HTR2C: variants seen among roughly 807,000 people sequenced by gnomAD.
HTR2C encodes the protein 5-hydroxytryptamine receptor 2C, also known as 5-hydroxytryptamine (serotonin) receptor 2C, G protein-coupled.
In HTR2C, 5 loss-of-function variants were observed where a neutral mutation model predicts 21.0. The observed-to-expected ratio is 0.24, with a 90% CI of 0.12 to 0.50. The LOEUF (loss-of-function observed/expected upper bound fraction) is 0.50. Ranked by LOEUF, HTR2C falls within the 20% of genes least tolerant of loss-of-function variation. HTR2C has a pLI of 0.98. For synonymous variants in HTR2C, 150 were observed against 145.3 expected, an observed-to-expected ratio of 1.03 and a Z score of -0.23; for missense variants, 271 against 371.2, an observed-to-expected ratio of 0.73 and a Z score of 2.22.
intron 4 of HTR2C, among the ~76,000 whole-genome samples, chrX:114,835,494 G>A (rs371528023): frequency 3.3e-4 from 36 of 108,604 alleles, no homozygotes; most frequent in African/African-American, 9.0e-4. Context: ...CCAGTTGATC[G>A]CATCGGCTCC....
At chrX:114,821,637 G>T (rs1187564178) in intron 4 of HTR2C, among the ~76,000 whole-genome samples, 5 of 111,083 alleles carry the variant, frequency 4.5e-5, no homozygotes, top group Non-Finnish European at 7.5e-5. Flanking sequence ...ACATTATTTA[G>T]ATGTATATTT....
chrX:114,830,087 TA>T (rs1325741250), intron 4 of HTR2C, among the ~76,000 whole-genome samples: 1 of 112,001 alleles, frequency 8.9e-6, no homozygotes, highest in Non-Finnish European at 1.9e-5. Flanking sequence ...TTAACAATAT[TA>T]AATGTTCCAA....
intron 2 of HTR2C, among the ~76,000 whole-genome samples, chrX:114,646,317 G>C (rs1286808563): frequency 9.0e-6 from 1 of 111,548 alleles, no homozygotes; most frequent in African/African-American, 3.3e-5. Flanking sequence ...AGGCTAAATT[G>C]TCTTTAATTT....
chrX:114,879,779 A>G (rs1300608175), intron 5 of HTR2C, among the ~76,000 whole-genome samples: 2 of 111,068 alleles, frequency 1.8e-5, no homozygotes, highest in East Asian at 5.6e-4. Context: ...GTTCCTTTTT[A>G]TGGCTGAGTA....
chrX:114,660,667 C>T (rs1355637034), intron 2 of HTR2C, among the ~76,000 whole-genome samples: 1 of 112,068 alleles, frequency 8.9e-6, no homozygotes, highest in Non-Finnish European at 1.9e-5. Context: ...TTAAACTTAA[C>T]CTTTAATATT....
At chrX:114,685,977 A>G (rs1556414157) in intron 2 of HTR2C, among the ~76,000 whole-genome samples, 1 of 111,391 alleles carries the variant, frequency 9.0e-6, no homozygotes, top group East Asian at 2.8e-4. Context: ...TCTTATGATC[A>G]TAATTACAAC....
intron 4 of HTR2C, among the ~76,000 whole-genome samples, chrX:114,783,542 G>C (rs782484724): frequency 1.8e-5 from 2 of 110,682 alleles, no homozygotes; most frequent in Non-Finnish European, 3.8e-5. Context: ...AGAACAAGCT[G>C]GAAAAAAAAT....
chrX:114,683,049 C>T (rs191549111), intron 2 of HTR2C, among the ~76,000 whole-genome samples: 18 of 111,757 alleles, frequency 1.6e-4, no homozygotes, highest in African/African-American at 5.8e-4. Context: ...TAACTATGAT[C>T]GTAATATGAT....
intron 2 of HTR2C, among the ~76,000 whole-genome samples, chrX:114,711,347 A>G (rs1932889006): frequency 8.9e-6 from 1 of 112,009 alleles, no homozygotes; most frequent in Non-Finnish European, 1.9e-5. Context: ...AACCTTAAAG[A>G]TTGAGATAGT....
At chrX:114,846,981 A>G (rs1304425119) in intron 4 of HTR2C, among the ~76,000 whole-genome samples, 1 of 112,158 alleles carries the variant, frequency 8.9e-6, no homozygotes, top group African/African-American at 3.2e-5. Flanking sequence ...ATACACAGTG[A>G]TGAACAATCC....
intron 4 of HTR2C, among the ~76,000 whole-genome samples, chrX:114,746,017 C>A (rs2069700127): frequency 8.9e-6 from 1 of 111,978 alleles, no homozygotes; most frequent in Non-Finnish European, 1.9e-5. Flanking sequence ...ATATCCCATT[C>A]TTCATGATGT....
At chrX:114,786,184 G>A (rs1024055743) in intron 4 of HTR2C, among the ~76,000 whole-genome samples, 2 of 111,677 alleles carry the variant, frequency 1.8e-5, no homozygotes, top group Admixed American at 9.5e-5. Context: ...TATGTTGGCA[G>A]GCATATGGAG....
chrX:114,644,399 A>T (rs1392892532), intron 2 of HTR2C, among the ~76,000 whole-genome samples: 29 of 77,485 alleles, frequency 3.7e-4, no homozygotes, highest in African/African-American at 1.2e-3. Context: ...ATATATATAT[A>T]TATATATATT....
chrX:114,619,344 A>G (rs1321796355), intron 2 of HTR2C, among the ~76,000 whole-genome samples: 3 of 111,548 alleles, frequency 2.7e-5, no homozygotes, highest in Non-Finnish European at 5.6e-5. Flanking sequence ...AGTTCTCCCA[A>G]TTACGCATTT....
At chrX:114,634,722 G>A (rs1340052960) in intron 2 of HTR2C, among the ~76,000 whole-genome samples, 2 of 110,634 alleles carry the variant, frequency 1.8e-5, no homozygotes, top group Admixed American at 1.9e-4. Context: ...GAGGTGGGAG[G>A]ATCCCTTGAG....
chrX:114,821,565 G>A (rs975639859), intron 4 of HTR2C, among the ~76,000 whole-genome samples: 8 of 111,370 alleles, frequency 7.2e-5, no homozygotes, highest in African/African-American at 2.6e-4. Flanking sequence ...GAGTCACAGC[G>A]AAAGTTAGAA....
intron 4 of HTR2C, among the ~76,000 whole-genome samples, chrX:114,771,594 G>C (rs182341264): frequency 4.1e-4 from 46 of 111,597 alleles, no homozygotes; most frequent in Admixed American, 8.6e-4. Flanking sequence ...GAGTTTTCTT[G>C]GGCATGTGTA....
At chrX:114,679,041 C>T (rs782150041) in intron 2 of HTR2C, among the ~76,000 whole-genome samples, 1 of 111,502 alleles carries the variant, frequency 9.0e-6, no homozygotes, top group South Asian at 3.8e-4. Flanking sequence ...TACTAAGCCA[C>T]ACCTTGGAAA....
chrX:114,622,130 G>A (rs191964021), intron 2 of HTR2C, among the ~76,000 whole-genome samples: 79 of 111,485 alleles, frequency 7.1e-4, no homozygotes, highest in African/African-American at 2.4e-3. Context: ...TCACATAGCC[G>A]GACAGAGCAA....
Sources: gnomAD v4.1 joint callset for allele counts (sites outside exome capture counted in the v4.1 genomes callset) on GRCh38, gnomAD v4.1.1 for gene constraint, MANE v1.5 for transcripts, NCBI Gene and HGNC (gene_info 2026-07-23, HGNC 2026-07-21) for gene names.